The following TTC13 variants were observed in gnomAD, a reference collection of about 807,000 sequenced individuals.
The protein encoded by TTC13 is tetratricopeptide repeat domain 13.
In TTC13, 62 loss-of-function variants were observed where a neutral mutation model predicts 120.0. The ratio of observed to expected loss-of-function variants is 0.52; its 90% confidence interval spans 0.42 to 0.64. The LOEUF is 0.64. Among genes scored for constraint, TTC13 ranks in the 30% least tolerant of loss-of-function variants. The pLI is 0.00. For synonymous variants in TTC13, 384 were observed against 393.5 expected (o/e 0.98, Z 0.28); for missense variants, 824 against 1,050.2 (o/e 0.78, Z 2.98).
intron 1 of TTC13, among the ~76,000 whole-genome samples, chr1:230,962,064 G>T (rs974768855): frequency 6.6e-6 from 1 of 152,112 alleles, no homozygotes; most frequent in Non-Finnish European, 1.5e-5. Flanking sequence ...ACAAAAATTA[G>T]CCAGGCGTGG....
Position 230,917,511 on chromosome 1 carries a change from C to T in TTC13, c.1984-1209G>A, listed in dbSNP as rs535572681. Among the ~76,000 whole-genome samples the T allele has an allele frequency of 2.0e-5, 3 of 152,282 alleles. No individual in the cohort carries two copies. The East Asian group carries it at 5.8e-4, about 29-fold the overall frequency. ...AGTTGACCTGGTACATTCCACTAAG[C>T]ACTTTAAACACTCAAATATCTTGTT... On this transcript the variant is annotated intron_variant, in intron 17 of 22. Transcript: ENST00000366661.
rs1404816056 is a variant in TTC13, at chr1:230,912,607, A to G, written c.2229+16T>C. 2.5e-6 allele frequency: 4 copies of G among 1,606,938 alleles called. No individual in the cohort carries two copies. The highest frequency in any genetic ancestry group is 2.5e-6 in the Non-Finnish European group (3 of 1,178,750). On this transcript the variant is annotated intron_variant, in intron 19 of 22. Coordinates refer to ENST00000366661, the MANE Select transcript of TTC13 (RefSeq NM_024525.5). Reference sequence around the variant, plus strand: ...TCATAGGAAGAGCAGAAAAATGGAAACAAAGAGAAACCTACCCCAAATTCT... The same window carrying G: ...TCATAGGAAGAGCAGAAAAATGGAAGCAAAGAGAAACCTACCCCAAATTCT...
At chr1:230,936,583 T>C (rs1031242490) in intron 8 of TTC13, 6 of 195,894 alleles carry the variant, frequency 3.1e-5, no homozygotes, top group Admixed American at 1.6e-4. Flanking sequence ...TTTTTGTTGT[T>C]TCCCTGGGAA....
chr1:230,954,514 A>C, intron 3 of TTC13, 111 bp from the exon 4 acceptor site: 2 of 771,934 alleles, frequency 2.6e-6, no homozygotes, highest in Non-Finnish European at 4.1e-6. Flanking sequence ...CACTGGAAGC[A>C]GTTAAAGAAA....
chr1:230,943,530 A>C (rs1674710605), intron 6 of TTC13, among the ~76,000 whole-genome samples: 1 of 152,096 alleles, frequency 6.6e-6, no homozygotes, highest in African/African-American at 2.4e-5. Flanking sequence ...TTTTCAATGA[A>C]TATCTATAGA....
In TTC13 at chr1:230,943,897, T is replaced by C; in HGVS notation, c.581A>G (p.Asp194Gly). ...GIAYGKKGLH[D>G]IKNAELALFE... Reference sequence around the variant, plus strand: ...CAGAGCAAGCTCAGCATTCTTAATGTCCTTGAAAAGGCATTAGCTTAGTAT... The same window carrying C: ...CAGAGCAAGCTCAGCATTCTTAATGCCCTTGAAAAGGCATTAGCTTAGTAT... The change falls in exon 6 of 23, where the codon GAC (aspartate) becomes GGC (glycine). Residue 194 changes from aspartate to glycine, a missense_variant and splice_region_variant. Physicochemically the swap from Asp to Gly is moderately conservative, Grantham distance 94. Around this residue, in one of 4 missense-constraint regions of TTC13, gnomAD observed 430 missense variants for 626.8 expected, o/e 0.69. Coordinates refer to ENST00000366661, the MANE Select transcript of TTC13 (RefSeq NM_024525.5). 1 of 1,606,028 alleles carries C rather than the reference T, an allele frequency of 6.2e-7. No homozygotes were observed. The highest frequency in any genetic ancestry group is 8.5e-7 in the Non-Finnish European group (1 of 1,174,774).
intron 1 of TTC13, among the ~76,000 whole-genome samples, chr1:230,963,353 T>C (rs1203916831): frequency 6.6e-6 from 1 of 152,100 alleles, no homozygotes; most frequent in African/African-American, 2.4e-5. Flanking sequence ...AAAGAATGGA[T>C]GGAGGCTGGG....
chr1:230,966,693 C>T (rs1572290407), intron 1 of TTC13, among the ~76,000 whole-genome samples: 3 of 152,336 alleles, frequency 2.0e-5, no homozygotes, highest in East Asian at 3.9e-4. Flanking sequence ...CTACACATGA[C>T]AGCACAGTCA....
intron 6 of TTC13, among the ~76,000 whole-genome samples, chr1:230,943,524 C>A (rs887279395): frequency 2.6e-5 from 4 of 151,858 alleles, no homozygotes; most frequent in Non-Finnish European, 4.4e-5. Flanking sequence ...TTATATTTTT[C>A]AATGAATATC....
intron 22 of TTC13, among the ~76,000 whole-genome samples, chr1:230,907,948 C>T (rs1037726081): frequency 7.9e-5 from 12 of 152,202 alleles, no homozygotes; most frequent in African/African-American, 1.7e-4. Flanking sequence ...GAGCCAGGAA[C>T]GATCATGGTC....
chr1:230,927,684 TCTTAGGTTCAAGGTAGTC>T (rs1475093351), intron 12 of TTC13, among the ~76,000 whole-genome samples: 1 of 152,238 alleles, frequency 6.6e-6, no homozygotes, highest in Non-Finnish European at 1.5e-5. Flanking sequence ...GAACGGAAGT[TCTTAGGTTCAAGGTAGTC>T]CAATTTATCA....
At chr1:230,936,345 A>G (rs1467840552) in intron 8 of TTC13, 2 of 427,498 alleles carry the variant, frequency 4.7e-6, no homozygotes, top group Non-Finnish European at 9.3e-6. Flanking sequence ...ATCAATCTCT[A>G]AGCATATGAA....
intron 1 of TTC13, among the ~76,000 whole-genome samples, chr1:230,970,474 A>C (rs1241848648): frequency 2.0e-5 from 3 of 152,184 alleles, no homozygotes; most frequent in Admixed American, 2.0e-4. Flanking sequence ...GACAAGAGGA[A>C]ATGAGAGCCA....
intron 4 of TTC13, among the ~76,000 whole-genome samples, chr1:230,950,987 A>G (rs966020253): frequency 1.3e-5 from 2 of 152,354 alleles, no homozygotes; most frequent in East Asian, 1.9e-4. Flanking sequence ...TTAAAAATCA[A>G]GAGTTTCCAA....
intron 6 of TTC13, among the ~76,000 whole-genome samples, chr1:230,943,290 G>A (rs1008969984): frequency 2.0e-5 from 3 of 151,022 alleles, no homozygotes; most frequent in African/African-American, 7.3e-5. Context: ...GGGTACATGT[G>A]CACAATGTGC....
rs571810435 is a variant in TTC13, at chr1:230,913,578, C to T, written c.2094-820G>A. On this transcript the variant is annotated intron_variant, in intron 18 of 22. Coordinates refer to ENST00000366661, the MANE Select transcript of TTC13 (RefSeq NM_024525.5). ...CCATGTTGCCCAGCCTGGTCTCAAA[C>T]TCCTGGCCTCAATCTTCCCATCTTG... 8.5e-5 allele frequency among the ~76,000 whole-genome samples: 13 copies of T among 152,304 alleles called. 1 individual carries two copies. Among genetic ancestry groups the T allele is most frequent in the African/African-American group, 2.6e-4 (11 of 41,572 alleles).
At chr1:230,951,499 G>A (rs958537863) in intron 4 of TTC13, among the ~76,000 whole-genome samples, 1 of 152,018 alleles carries the variant, frequency 6.6e-6, no homozygotes, top group African/African-American at 2.4e-5. Flanking sequence ...CTGCATTTTT[G>A]CATATCTAGA....
intron 4 of TTC13, among the ~76,000 whole-genome samples, chr1:230,948,132 C>T (rs1414602242): frequency 6.6e-6 from 1 of 152,140 alleles, no homozygotes; most frequent in Non-Finnish European, 1.5e-5. Flanking sequence ...TCAGTGACTC[C>T]CCAACACCTA....
intron 1 of TTC13, among the ~76,000 whole-genome samples, chr1:230,965,843 G>C (rs138486369): frequency 1.3e-5 from 2 of 152,070 alleles, no homozygotes; most frequent in East Asian, 3.9e-4. Flanking sequence ...TGGAGACAGG[G>C]TCCCACTGTG....
Sources: allele counts gnomAD v4.1 joint callset (sites outside exome capture counted in the v4.1 genomes callset), GRCh38; gene constraint gnomAD v4.1.1; regional missense constraint gnomAD v4.1.1; transcripts MANE v1.5; gene names NCBI Gene and HGNC (gene_info 2026-07-23, HGNC 2026-07-21).